Variants in SNRPB observed in about 807,000 individuals in gnomAD.
SNRPB encodes small nuclear ribonucleoprotein-associated proteins B and B'.
In SNRPB, 5 loss-of-function variants were observed where a neutral mutation model predicts 26.6. The observed-to-expected ratio is 0.19, with a 90% CI of 0.10 to 0.39. The LOEUF (loss-of-function observed/expected upper bound fraction) is 0.39. Among genes scored for constraint, SNRPB ranks in the 10% least tolerant of loss-of-function variants. SNRPB has a pLI of 1.00. For synonymous variants in SNRPB, 122 were observed against 105.8 expected, an observed-to-expected ratio of 1.15 and a Z score of -0.94; for missense variants, 211 against 311.9, an observed-to-expected ratio of 0.68 and a Z score of 2.44.
chr20:2,463,944 T>C lies in SNRPB; in HGVS notation c.268-45A>G. Reference sequence around the variant, plus strand: ...GCTCTGATGCCCAGTGATCTGAAGATCAGAAGTATACTTTGGAATATCATT... The same window carrying C: ...GCTCTGATGCCCAGTGATCTGAAGACCAGAAGTATACTTTGGAATATCATT... On this transcript the variant is annotated intron_variant, in intron 3 of 6. Coordinates refer to ENST00000381342, the MANE Select transcript of SNRPB (RefSeq NM_003091.4). The surrounding 1 kb of genome is among the most constrained non-coding windows in gnomAD (Gnocchi z 5.0). 1 of 1,548,398 alleles carries C rather than the reference T, an allele frequency of 6.5e-7. No homozygotes were observed. The highest frequency in any genetic ancestry group is 8.9e-7 in the Non-Finnish European group (1 of 1,123,220).
intron 1 of SNRPB, among the ~76,000 whole-genome samples, chr20:2,469,152 G>A (rs1202122316): frequency 6.6e-6 from 1 of 152,040 alleles, no homozygotes; most frequent in African/African-American, 2.4e-5. Flanking sequence ...CCCCAAAATT[G>A]GGCCCATTAT....
At chr20:2,465,461 C>T (rs2085066663) in intron 3 of SNRPB, among the ~76,000 whole-genome samples, 1 of 148,652 alleles carries the variant, frequency 6.7e-6, no homozygotes, top group South Asian at 2.1e-4. Context: ...ATTGCCCAGG[C>T]AGGTCTCGAA....
At chr20:2,464,573 T>C (rs1276726885) in intron 3 of SNRPB, among the ~76,000 whole-genome samples, 1 of 152,226 alleles carries the variant, frequency 6.6e-6, no homozygotes, top group African/African-American at 2.4e-5. Context: ...TTAAAAGTGT[T>C]GAGCAACTAG....
At position 2,470,678 on chromosome 20, in the gene SNRPB, C is replaced by A. The variant is rs779292935; in HGVS notation, c.3+10G>T. The A allele has an allele frequency of 1.7e-5, 28 of 1,613,606 alleles. No homozygotes were observed. The East Asian group carries it at 6.2e-4, about 36-fold the overall frequency. On this transcript the variant is annotated intron_variant, in intron 1 of 6. Transcript: ENST00000381342. ...GAAGCTCCCGCGCCGCCAGCCTGTGCCCTCCTTACCATGGTGGCGGTTCTG... is the reference window on the plus strand; with the variant it reads ...GAAGCTCCCGCGCCGCCAGCCTGTGACCTCCTTACCATGGTGGCGGTTCTG...
At chr20:2,470,642 C>A in intron 1 of SNRPB, 46 bp downstream of exon 1, 1 of 1,612,998 alleles carries the variant, frequency 6.2e-7, no homozygotes, top group Non-Finnish European at 8.5e-7. Flanking sequence ...TCCCACTCCA[C>A]AACAGACTCG....
At chr20:2,468,574 G>T (rs2085089202) in intron 1 of SNRPB, among the ~76,000 whole-genome samples, 1 of 152,206 alleles carries the variant, frequency 6.6e-6, no homozygotes, top group African/African-American at 2.4e-5. Context: ...ATGGACATCT[G>T]TTCATCTCTG....
chr20:2,463,855 T>C lies in SNRPB; in HGVS notation c.312A>G (p.Pro104=). 5 of 1,613,332 alleles carry C rather than the reference T, an allele frequency of 3.1e-6. No individual in the cohort carries two copies. Among genetic ancestry groups the C allele is most frequent in the Non-Finnish European group, 4.2e-6 (5 of 1,179,548 alleles). Residue 104 remains proline, a synonymous_variant, in exon 4 of 7, where the codon CCA becomes CCG. Transcript: ENST00000381342. The surrounding 1 kb of genome is among the most constrained non-coding windows in gnomAD (Gnocchi z 5.0). Reference sequence around the variant, plus strand: ...CTCTGCCAGCAGCCCTGCCGATCCCTGGGCCCCCGGCAGCTCCAGCAAGTG... The same window carrying C: ...CTCTGCCAGCAGCCCTGCCGATCCCCGGGCCCCCGGCAGCTCCAGCAAGTG... ...RVPLAGAAGG[P]GIGRAAGRGI... is the part of the protein sequence containing the mutation.
intron 1 of SNRPB, 118 bp downstream of exon 1, chr20:2,470,570 G>A: frequency 1.5e-6 from 2 of 1,299,664 alleles, no homozygotes; most frequent in African/African-American, 2.9e-5. Context: ...AGCGGCCTCG[G>A]CCCAGGCCTT....
At chr20:2,467,860 C>T (rs1175275144) in intron 1 of SNRPB, 102 bp from the exon 2 acceptor site, 1 of 1,090,700 alleles carries the variant, frequency 9.2e-7, no homozygotes, top group Non-Finnish European at 1.3e-6. Flanking sequence ...ATGTGTCCAA[C>T]TTTCTCAACA....
intron 2 of SNRPB, 81 bp downstream of exon 2, chr20:2,467,526 C>T: frequency 1.5e-6 from 2 of 1,328,896 alleles, no homozygotes; most frequent in South Asian, 1.3e-5. Context: ...CAACTAGCTA[C>T]ATCACCACCT....
Position 2,467,984 on chromosome 20 carries a change from G to A in SNRPB, c.4-226C>T, listed in dbSNP as rs111932258. ...TGCTATTCTCTCTTCCCTTGAAATC[G>A]GTCTTTCTCATATTATAATTGCCTT... On this transcript the variant is annotated intron_variant, in intron 1 of 6. Coordinates refer to ENST00000381342, the MANE Select transcript of SNRPB (RefSeq NM_003091.4). 2.8e-4 allele frequency among the ~76,000 whole-genome samples: 43 copies of A among 152,198 alleles called. 1 individual carries two copies. Among genetic ancestry groups the A allele is most frequent in the Admixed American group, 9.2e-4 (14 of 15,296 alleles).
intron 2 of SNRPB, 44 bp from the exon 3 acceptor site, chr20:2,465,863 G>A (rs1471384034): frequency 3.4e-6 from 5 of 1,487,006 alleles, no homozygotes; most frequent in Non-Finnish European, 4.7e-6. Flanking sequence ...TTAGAGGTGG[G>A]TAAAGTTCAC....
In SNRPB at chr20:2,464,122, T is replaced by C. The variant is rs2085055743; in HGVS notation, c.268-223A>G. On this transcript the variant is annotated intron_variant, in intron 3 of 6. Coordinates refer to ENST00000381342, the MANE Select transcript of SNRPB (RefSeq NM_003091.4). ...ACTTAAGAGTAAGTCTAGAGAAACA[T>C]GCCACAACTCAACCACCTATATGCA... 2.6e-5 allele frequency among the ~76,000 whole-genome samples: 4 copies of C among 152,180 alleles called. No individual in the cohort carries two copies. In the South Asian group the frequency reaches 8.3e-4, roughly 31 times the overall value.
chr20:2,463,059 T>C lies in SNRPB; in HGVS notation c.559+30A>G, dbSNP rs747470682. 72 of 1,518,872 alleles carry C rather than the reference T, an allele frequency of 4.7e-5. No homozygotes were observed. Among genetic ancestry groups the C allele is most frequent in the Non-Finnish European group, 5.6e-5 (64 of 1,133,880 alleles). The allele number at this position is 1,518,872 out of a possible 1,614,324, so 94.1% of individuals were successfully genotyped here. A position where few individuals can be genotyped will look rare whatever the true frequency, so the allele number is the denominator to read the frequency against. Reference sequence around the variant, plus strand: ...ATCCAGCTAAGGCATCTTCTATCAATTAGCACTGGTCTCCTTATGGGCTCC... The same window carrying C: ...ATCCAGCTAAGGCATCTTCTATCAACTAGCACTGGTCTCCTTATGGGCTCC... On this transcript the variant is annotated intron_variant, in intron 5 of 6. Transcript: ENST00000381342. The surrounding 1 kb of genome is among the most constrained non-coding windows in gnomAD (Gnocchi z 5.0).
At chr20:2,467,457 G>C in intron 2 of SNRPB, 150 bp downstream of exon 2, 1 of 704,374 alleles carries the variant, frequency 1.4e-6, no homozygotes, top group Admixed American at 2.6e-5. Flanking sequence ...AGATTTCTTA[G>C]CGTTCAATGT....
intron 2 of SNRPB, 118 bp from the exon 3 acceptor site, chr20:2,465,937 C>G (rs1002118995): frequency 1.4e-6 from 1 of 700,438 alleles, no homozygotes; most frequent in Non-Finnish European, 2.5e-6. Context: ...ACAAACTTTC[C>G]CAAGATAGCC....
chr20:2,466,497 A>G (rs1401243045), intron 2 of SNRPB, among the ~76,000 whole-genome samples: 1 of 152,204 alleles, frequency 6.6e-6, no homozygotes, highest in Non-Finnish European at 1.5e-5. Context: ...GCTAGATCCT[A>G]AAAATAAAGG....
chr20:2,469,848 G>A (rs1302187069), intron 1 of SNRPB, among the ~76,000 whole-genome samples: 3 of 151,972 alleles, frequency 2.0e-5, no homozygotes, highest in Non-Finnish European at 4.4e-5. Flanking sequence ...CTTTTTCTCA[G>A]TCAACAAACG....
At position 2,463,712 on chromosome 20, in the gene SNRPB, C is replaced by A; in HGVS notation, c.420+35G>T. 1 of 1,502,702 alleles carries A rather than the reference C, an allele frequency of 6.7e-7. No individual in the cohort carries two copies. The highest frequency in any genetic ancestry group is 8.9e-7 in the Non-Finnish European group (1 of 1,117,408). The allele number at this position is 1,502,702 out of a possible 1,614,324, so 93.1% of individuals were successfully genotyped here. A position where few individuals can be genotyped will look rare whatever the true frequency, so the allele number is the denominator to read the frequency against. On this transcript the variant is annotated intron_variant, in intron 4 of 6. Transcript: ENST00000381342. This position sits in a 1 kb window ranked among gnomAD's most constrained non-coding sequence, Gnocchi z 5.0. ...CCTCCCCTTTATCCTTTATTTTAGC[C>A]ACCAGGAGGTGGTACCCTTTCCCCA...
Sources: allele counts gnomAD v4.1 joint callset (sites outside exome capture counted in the v4.1 genomes callset), GRCh38; gene constraint gnomAD v4.1.1; non-coding constraint Gnocchi (gnomAD v3.1); transcripts MANE v1.5; gene names NCBI Gene and HGNC (gene_info 2026-07-23, HGNC 2026-07-21).